Variants in ALMS1 observed in about 807,000 individuals in gnomAD.
The protein encoded by ALMS1 is ALMS1 centrosome and basal body associated protein, also known as centrosome-associated protein ALMS1.
In ALMS1, 271 loss-of-function variants were observed where a neutral mutation model predicts 352.2. That is an observed-to-expected ratio of 0.77 (90% CI 0.70 to 0.85). The LOEUF (loss-of-function observed/expected upper bound fraction) is 0.85. Ranked by LOEUF, ALMS1 falls within the 40% of genes least tolerant of loss-of-function variation. The pLI is 0.00. For synonymous variants in ALMS1, 1,865 were observed against 1,761.2 expected (o/e 1.06, Z -1.48); for missense variants, 5,445 against 4,870.7 (o/e 1.12, Z -3.51).
intron 16 of ALMS1, among the ~76,000 whole-genome samples, chr2:73,588,243 C>G (rs756792887): frequency 7.2e-5 from 11 of 152,192 alleles, no homozygotes; most frequent in African/African-American, 1.2e-4. Context: ...TTCTGTGTTT[C>G]TCTCTGCCCC....
chr2:73,535,877 T>C (rs1183473916), intron 12 of ALMS1, among the ~76,000 whole-genome samples: 1 of 152,178 alleles, frequency 6.6e-6, no homozygotes, highest in South Asian at 2.1e-4. Flanking sequence ...ATTATATATA[T>C]AGAAATTACA....
intron 15 of ALMS1, among the ~76,000 whole-genome samples, chr2:73,569,539 T>C (rs1320828881): frequency 6.6e-6 from 1 of 152,210 alleles, no homozygotes; most frequent in East Asian, 1.9e-4. Context: ...GCCATAATTA[T>C]GTTACTCGCC....
chr2:73,495,268 T>A (rs1233101927), intron 10 of ALMS1, among the ~76,000 whole-genome samples: 1 of 152,128 alleles, frequency 6.6e-6, no homozygotes, highest in African/African-American at 2.4e-5. Flanking sequence ...GGAGTCTTGC[T>A]CTGTCACCCA....
In ALMS1 at chr2:73,550,254, C is replaced by G. The variant is rs373325114; in HGVS notation, c.9908-13C>G. ...CTATTTGTGTTTTGTATTACTTCCC[C>G]GTTTTTCTGTAGGATCCAATGATGC... On this transcript the variant is annotated splice_polypyrimidine_tract_variant and intron_variant, in intron 12 of 22. Transcript: ENST00000613296. The G allele has an allele frequency of 2.5e-6, 4 of 1,613,838 alleles. No individual in the cohort carries two copies. In the Admixed American group the frequency reaches 5.0e-5, roughly 20 times the overall value.
At chr2:73,532,447 A>T (rs1467803025) in intron 11 of ALMS1, among the ~76,000 whole-genome samples, 2 of 152,150 alleles carry the variant, frequency 1.3e-5, no homozygotes, top group Non-Finnish European at 2.9e-5. Context: ...ATGCCACAAG[A>T]CAAAAAGTTC....
At chr2:73,562,376 G>A (rs926736556) in intron 15 of ALMS1, among the ~76,000 whole-genome samples, 2 of 152,012 alleles carry the variant, frequency 1.3e-5, no homozygotes, top group Non-Finnish European at 2.9e-5. Flanking sequence ...GGAAAATTTT[G>A]TATATAGTGT....
chr2:73,432,903 CT>C (rs1329364231), intron 7 of ALMS1, among the ~76,000 whole-genome samples: 4 of 152,066 alleles, frequency 2.6e-5, no homozygotes, highest in Non-Finnish European at 2.9e-5. Context: ...CTGTTTATTC[CT>C]TTGTGTGACT....
intron 16 of ALMS1, among the ~76,000 whole-genome samples, chr2:73,578,003 C>G (rs1028884423): frequency 7.2e-5 from 11 of 152,144 alleles, no homozygotes; most frequent in Non-Finnish European, 1.6e-4. Flanking sequence ...TACTGTGGAA[C>G]TATCTATTTC....
chr2:73,490,188 T>C lies in ALMS1; in HGVS notation c.8229T>C (p.Thr2743=), dbSNP rs2103891110. 4.3e-6 allele frequency: 7 copies of C among 1,614,204 alleles called. No homozygotes were observed. Among genetic ancestry groups the C allele is most frequent in the Non-Finnish European group, 5.1e-6 (6 of 1,180,026 alleles). ...GTGTTACTGAAGGTAGCCAGTGTAC[T>C]GGAGCATCTGTGGGGGTATTTAATT... is the stretch of plus-strand genomic sequence containing the variant. ...KVGVTEGSQC[T]GASVGVFNSH... Residue 2743 remains threonine (T), a synonymous_variant, in exon 10 of 23, where the codon ACT becomes ACC. Coordinates refer to ENST00000613296, the MANE Select transcript of ALMS1 (RefSeq NM_001378454.1).
At chr2:73,465,458 C>A (rs986596131) in intron 9 of ALMS1, among the ~76,000 whole-genome samples, 13 of 152,124 alleles carry the variant, frequency 8.5e-5, no homozygotes, top group Admixed American at 7.9e-4. Flanking sequence ...AAACTGGATC[C>A]CTTCCTTACA....
Position 73,490,475 on chromosome 2 carries a change from C to T in ALMS1, c.8516C>T (p.Ser2839Phe), listed in dbSNP as rs1490828050. ...NCSNFKEIQI[S>F]DNHTLISMGR... ...AGCAATTTCAAGGAAATTCAGATTT[C>T]TGATAACCATACCCTTATTAGCATG... Residue 2839 changes from serine to phenylalanine, a missense_variant, in exon 10 of 23, where the codon TCT (serine) becomes TTT (phenylalanine). Ser to Phe is a radical substitution (Grantham distance 155, BLOSUM62 -2). Coordinates refer to ENST00000613296, the MANE Select transcript of ALMS1 (RefSeq NM_001378454.1). 1 of 1,614,052 alleles carries T rather than the reference C, an allele frequency of 6.2e-7. No homozygotes were observed. The highest frequency in any genetic ancestry group is 1.3e-5 in the African/African-American group (1 of 74,938).
intron 1 of ALMS1, among the ~76,000 whole-genome samples, chr2:73,393,301 G>T (rs1351629454): frequency 6.6e-6 from 1 of 151,974 alleles, no homozygotes; most frequent in Non-Finnish European, 1.5e-5. Flanking sequence ...GCTATTACAT[G>T]TAGGTCTTTG....
intron 15 of ALMS1, among the ~76,000 whole-genome samples, chr2:73,569,066 G>A (rs1345868456): frequency 7.5e-6 from 1 of 134,134 alleles, no homozygotes; most frequent in African/African-American, 2.8e-5. Context: ...CCAGGCTGGA[G>A]TGCAGTGGCA....
intron 12 of ALMS1, among the ~76,000 whole-genome samples, chr2:73,542,617 A>G (rs1215390713): frequency 6.6e-6 from 1 of 152,202 alleles, no homozygotes; most frequent in Non-Finnish European, 1.5e-5. Flanking sequence ...AGAAAACCCC[A>G]TTGTCTCAGC....
At chr2:73,504,324 T>G (rs1473372358) in intron 10 of ALMS1, among the ~76,000 whole-genome samples, 1 of 152,228 alleles carries the variant, frequency 6.6e-6, no homozygotes, top group African/African-American at 2.4e-5. Flanking sequence ...TGTATAGCTT[T>G]ATGTAACCGC....
chr2:73,541,047 AC>A (rs1481367681), intron 12 of ALMS1, among the ~76,000 whole-genome samples: 1 of 152,140 alleles, frequency 6.6e-6, no homozygotes, highest in African/African-American at 2.4e-5. Context: ...AGAACTCTCC[AC>A]CCCAAATCAA....
At chr2:73,556,633 C>CTTTTTTTTTTTT (rs764932403) in intron 13 of ALMS1, among the ~76,000 whole-genome samples, 1 of 101,486 alleles carries the variant, frequency 9.9e-6, no homozygotes. Flanking sequence ...CTGATCTTTC[C>CTTTTTTTTTTTT]TTTTTTTTTT....
chr2:73,388,381 T>C (rs953004492), intron 1 of ALMS1, among the ~76,000 whole-genome samples: 8 of 152,210 alleles, frequency 5.3e-5, no homozygotes, highest in Admixed American at 5.2e-4. Flanking sequence ...CCAAATAATA[T>C]ACCTTTGTAC....
chr2:73,534,191 G>C (rs1202338569), intron 11 of ALMS1, among the ~76,000 whole-genome samples: 1 of 151,910 alleles, frequency 6.6e-6, no homozygotes, highest in Non-Finnish European at 1.5e-5. Flanking sequence ...GGAAAAGATG[G>C]GTAAGTTATA....
Sources: gnomAD v4.1 joint callset for allele counts (sites outside exome capture counted in the v4.1 genomes callset) on GRCh38, gnomAD v4.1.1 for gene constraint, MANE v1.5 for transcripts, NCBI Gene and HGNC (gene_info 2026-07-23, HGNC 2026-07-21) for gene names.